Variants in KRR1 observed in about 807,000 individuals in gnomAD.
KRR1 encodes KRR1 small subunit processome component, also known as KRR1 small subunit processome component homolog.
In KRR1, 23 loss-of-function variants were observed where a neutral mutation model predicts 50.0. The ratio of observed to expected loss-of-function variants is 0.46; its 90% CI spans 0.33 to 0.65. The LOEUF (loss-of-function observed/expected upper bound fraction) is 0.65, where lower values mean the gene tolerates loss of function less well. KRR1 is among the 30% of genes least tolerant of loss of function. KRR1 has a pLI of 0.02. For synonymous variants in KRR1, 133 were observed against 146.3 expected (o/e 0.91, Z 0.66); for missense variants, 419 against 442.4 (o/e 0.95, Z 0.47).
chr12:75,510,570 A>G (rs1380413266), intron 1 of KRR1, among the ~76,000 whole-genome samples: 1 of 152,216 alleles, frequency 6.6e-6, no homozygotes, highest in African/African-American at 2.4e-5. Context: ...AAAACAGGCT[A>G]AATTAAGCCA....
intron 3 of KRR1, 49 bp downstream of exon 3, chr12:75,506,733 G>GGT: frequency 4.4e-6 from 7 of 1,588,666 alleles, no homozygotes; most frequent in African/African-American, 1.4e-5. Context: ...GGATGTTATA[G>GGT]GTTAACACTG....
At position 75,495,840 on chromosome 12, in the gene KRR1, T is replaced by C; in HGVS notation, c.*3969A>G. The C allele has an allele frequency of 2.3e-6, 1 of 430,920 alleles. No homozygotes were observed. The highest frequency in any genetic ancestry group is 4.2e-6 in the Non-Finnish European group (1 of 236,744). 26.7% of individuals were successfully genotyped at this position (430,920 alleles called of 1,614,324 possible). A position where few individuals can be genotyped will look rare whatever the true frequency, so the allele number is the denominator to read the frequency against. On this transcript the variant is annotated 3_prime_UTR_variant, in exon 10 of 10. Transcript: ENST00000229214. ...AATACATTTAAGAGAAATTTAAATG[T>C]GAAAATCACGTTCTTTTTATTTAGT...
intron 1 of KRR1, among the ~76,000 whole-genome samples, chr12:75,509,292 A>T (rs2046435886): frequency 6.6e-6 from 1 of 152,168 alleles, no homozygotes; most frequent in African/African-American, 2.4e-5. Flanking sequence ...CAGAAATGCA[A>T]TTATTGGGCC....
chr12:75,499,829 T>TCTTTTCA lies in KRR1; in HGVS notation c.1119_1125dup (p.Lys376Ter). On this transcript the variant is annotated stop_gained and frameshift_variant, in exon 10 of 10. Coordinates refer to ENST00000229214, the MANE Select transcript of KRR1 (RefSeq NM_007043.7). LOFTEE classifies it high-confidence loss of function. ...GTATGTTACTTTTTTTTCTTCTTTT[T>TCTTTTCA]CTTTTCATCTGCCTCCATCTTAAGT... 1 of 1,600,354 alleles carries TCTTTTCA rather than the reference T, an allele frequency of 6.2e-7. No homozygotes were observed. Among genetic ancestry groups the TCTTTTCA allele is most frequent in the Admixed American group, 1.7e-5 (1 of 58,146 alleles).
rs1219599350 is a variant in KRR1 at position 75,503,000 on chromosome 12, AT to A, written c.831+903del. 5.3e-5 allele frequency: 8 copies of A among 152,116 alleles called. No individual in the cohort carries two copies. In the East Asian group the frequency reaches 1.5e-3, roughly 29 times the overall value. 9.4% of individuals were successfully genotyped at this position (152,116 alleles called of 1,614,324 possible). A position where few individuals can be genotyped will look rare whatever the true frequency, so the allele number is the denominator to read the frequency against. On this transcript the variant is annotated intron_variant, in intron 7 of 9. Coordinates refer to ENST00000229214, the MANE Select transcript of KRR1 (RefSeq NM_007043.7). ...CCAACCATGGTTGTGGAAAAAAGAG[AT>A]GTAGAAAGCAATGAGTTCACATGCT...
chr12:75,508,774 G>A (rs932914860), intron 1 of KRR1, among the ~76,000 whole-genome samples: 3 of 152,172 alleles, frequency 2.0e-5, no homozygotes, highest in African/African-American at 7.2e-5. Context: ...AACATGTACT[G>A]CACTACACTA....
At chr12:75,505,353 AAAT>A (rs2046417152) in intron 5 of KRR1, 99 bp from the exon 6 acceptor site, 2 of 1,163,538 alleles carry the variant, frequency 1.7e-6, no homozygotes, top group Non-Finnish European at 2.4e-6. Context: ...GTACCAAATT[AAAT>A]AATGTAATTA....
intron 2 of KRR1, among the ~76,000 whole-genome samples, chr12:75,507,867 A>G (rs928518854): frequency 6.6e-6 from 1 of 152,202 alleles, no homozygotes; most frequent in Non-Finnish European, 1.5e-5. Flanking sequence ...AGCATCAGCA[A>G]TAAACAAGGA....
chr12:75,507,816 A>C (rs919733635), intron 2 of KRR1, among the ~76,000 whole-genome samples: 2 of 152,192 alleles, frequency 1.3e-5, no homozygotes, highest in Non-Finnish European at 2.9e-5. Flanking sequence ...ATGGGTTTCA[A>C]TCCCCAGTTT....
chr12:75,498,670 TC>T lies in KRR1; in HGVS notation c.*1138del. On this transcript the variant is annotated 3_prime_UTR_variant, in exon 10 of 10. Coordinates refer to ENST00000229214, the MANE Select transcript of KRR1 (RefSeq NM_007043.7). ...CTGTGTCTACCCTTTTAATTTTTTT[TC>T]TTTCTTCCCCCTAACTTTACAGTTA... 6.2e-7 allele frequency: 1 copy of T among 1,602,184 alleles called. No homozygotes were observed. Among genetic ancestry groups the T allele is most frequent in the Non-Finnish European group, 8.6e-7 (1 of 1,169,332 alleles).
intron 2 of KRR1, 92 bp downstream of exon 2, chr12:75,508,181 TA>T (rs371285294): frequency 0.25 from 164,141 of 648,232 alleles, 19 homozygotes; most frequent in East Asian, 0.32. Flanking sequence ...TTAGCACCAT[TA>T]AAAAAAAAAA....
chr12:75,504,979 GT>G (rs1276302820), intron 6 of KRR1, among the ~76,000 whole-genome samples: 2 of 151,924 alleles, frequency 1.3e-5, no homozygotes, highest in Non-Finnish European at 2.9e-5. Flanking sequence ...ATCCCCTTCA[GT>G]AGTTTTCACA....
intron 7 of KRR1, 94 bp downstream of exon 7, chr12:75,503,809 AC>A: frequency 9.2e-7 from 1 of 1,081,920 alleles, no homozygotes; most frequent in Non-Finnish European, 1.3e-6. Context: ...ATATATATAT[AC>A]ACATATCCCA....
chr12:75,499,905 A>G lies in KRR1; in HGVS notation c.1050T>C (p.Val350=). The G allele has an allele frequency of 1.2e-6, 2 of 1,609,572 alleles. No individual in the cohort carries two copies. Among genetic ancestry groups the G allele is most frequent in the Non-Finnish European group, 1.7e-6 (2 of 1,178,096 alleles). ...CCAGTTTCTTATTCTTTGCTTTCTTAACCTTTTCCTTGATGCTGGCCACAT... is the reference window on the plus strand; with the variant it reads ...CCAGTTTCTTATTCTTTGCTTTCTTGACCTTTTCCTTGATGCTGGCCACAT... ...KIDVASIKEK[V]KKAKNKKLGA... Residue 350 remains valine (V), a synonymous_variant, in exon 10 of 10, where the codon GTT becomes GTC. Transcript: ENST00000229214.
chr12:75,508,732 G>C (rs924328630), intron 1 of KRR1, among the ~76,000 whole-genome samples: 1 of 152,192 alleles, frequency 6.6e-6, no homozygotes, highest in Admixed American at 6.5e-5. Flanking sequence ...ACACTAGTTG[G>C]CATATGCCAG....
intron 6 of KRR1, 163 bp from the exon 7 acceptor site, chr12:75,504,237 A>G: frequency 2.3e-6 from 1 of 432,218 alleles, no homozygotes; most frequent in Non-Finnish European, 4.1e-6. Context: ...GTTATCACAA[A>G]CATGTATAAT....
rs1293842323 is a variant in KRR1, at chr12:75,499,491, A to ATATT, written c.*314_*317dup. On this transcript the variant is annotated 3_prime_UTR_variant, in exon 10 of 10. Coordinates refer to ENST00000229214, the MANE Select transcript of KRR1 (RefSeq NM_007043.7). ...AAACTTTCAAAAGGGATAAACCTAA[A>ATATT]TATTTACTTGTTATCATTAGAGAGG... 2 of 172,560 alleles carry ATATT rather than the reference A, an allele frequency of 1.2e-5. No homozygotes were observed. The highest frequency in any genetic ancestry group is 6.2e-5 in the Admixed American group (1 of 16,020). 10.7% of individuals were successfully genotyped at this position (172,560 alleles called of 1,614,324 possible). A position where few individuals can be genotyped will look rare whatever the true frequency, so the allele number is the denominator to read the frequency against.
chr12:75,497,896 A>T lies in KRR1; in HGVS notation c.*1913T>A, dbSNP rs749960709. ...ATATTGAACATTTAAAAATATATAT[A>T]AAAAAAAATAACTAGAACATCACAC... On this transcript the variant is annotated 3_prime_UTR_variant, in exon 10 of 10. Transcript: ENST00000229214. 5 of 61,536 alleles carry T rather than the reference A, an allele frequency of 8.1e-5. No individual in the cohort carries two copies. Among genetic ancestry groups the T allele is most frequent in the African/African-American group, 1.7e-4 (4 of 23,908 alleles). 3.8% of individuals were successfully genotyped at this position (61,536 alleles called of 1,614,324 possible). A position where few individuals can be genotyped will look rare whatever the true frequency, so the allele number is the denominator to read the frequency against.
At chr12:75,500,769 A>C (rs1406596579) in intron 9 of KRR1, 1 of 152,000 alleles carries the variant, frequency 6.6e-6, no homozygotes, top group Non-Finnish European at 1.5e-5. Context: ...ATAAAACATC[A>C]AACTACCCAG....
Sources: gnomAD v4.1 joint callset for allele counts (sites outside exome capture counted in the v4.1 genomes callset) on GRCh38, gnomAD v4.1.1 for gene constraint, MANE v1.5 for transcripts, NCBI Gene and HGNC (gene_info 2026-07-23, HGNC 2026-07-21) for gene names.